The following XPO7 variants were observed in gnomAD, a reference collection of about 807,000 sequenced individuals.
The protein encoded by XPO7 is exportin 7.
In XPO7, 21 loss-of-function variants were observed where a neutral mutation model predicts 144.3. The ratio of observed to expected loss-of-function variants is 0.15; its 90% CI spans 0.10 to 0.21. The LOEUF is 0.21. Ranked by LOEUF, XPO7 falls within the 10% of genes least tolerant of loss-of-function variation. XPO7 has a pLI of 1.00. For synonymous variants in XPO7, 580 were observed against 499.6 expected (o/e 1.16, Z -2.15); for missense variants, 808 against 1,325.8 (o/e 0.61, Z 6.06).
At chr8:21,992,504 T>C (rs971713783) in intron 19 of XPO7, among the ~76,000 whole-genome samples, 1 of 152,200 alleles carries the variant, frequency 6.6e-6, no homozygotes, top group Non-Finnish European at 1.5e-5. Flanking sequence ...CTTTGACACT[T>C]GAGTCACTTA....
chr8:22,001,416 T>G (rs1324599801), intron 24 of XPO7, among the ~76,000 whole-genome samples: 1 of 152,194 alleles, frequency 6.6e-6, no homozygotes, highest in Non-Finnish European at 1.5e-5. Context: ...AGCCCCTTTG[T>G]CCTTTGGCCT....
chr8:21,967,504 AT>A (rs35192011), intron 2 of XPO7, among the ~76,000 whole-genome samples: 1 of 151,370 alleles, frequency 6.6e-6, no homozygotes, highest in Non-Finnish European at 1.5e-5. Flanking sequence ...CTAATTTTGT[AT>A]TTTTTTTAGT....
rs540160446 is a variant in XPO7 at position 21,972,060 on chromosome 8, A to C, written c.492+119A>C. On this transcript the variant is annotated intron_variant, in intron 5 of 27. Transcript: ENST00000252512. ...TTGTGTGCTTTTGCGGTAAGTGATT[A>C]ATGCCCTTTTGAAACAAAATAGTTC... 3 of 889,800 alleles carry C rather than the reference A, an allele frequency of 3.4e-6. No homozygotes were observed. The African/African-American group carries it at 5.0e-5, about 15-fold the overall frequency. 55.1% of individuals were successfully genotyped at this position (889,800 alleles called of 1,614,324 possible). A position where few individuals can be genotyped will look rare whatever the true frequency, so the allele number is the denominator to read the frequency against.
intron 1 of XPO7, among the ~76,000 whole-genome samples, chr8:21,943,760 A>G (rs1244112118): frequency 6.6e-6 from 1 of 152,202 alleles, no homozygotes; most frequent in African/African-American, 2.4e-5. Flanking sequence ...TGCTTGCTGT[A>G]TGTTCAACAT....
intron 1 of XPO7, among the ~76,000 whole-genome samples, chr8:21,952,031 C>T (rs1020778589): frequency 1.1e-4 from 16 of 152,198 alleles, no homozygotes; most frequent in Middle Eastern, 3.2e-3. Flanking sequence ...ATGACCTGTT[C>T]AGCAGGTGTT....
At chr8:21,979,558 C>T (rs965697718) in intron 8 of XPO7, among the ~76,000 whole-genome samples, 2 of 151,948 alleles carry the variant, frequency 1.3e-5, no homozygotes, top group Non-Finnish European at 2.9e-5. Flanking sequence ...CACGTGCCTG[C>T]CACCACGCCC....
chr8:21,925,267 A>G (rs945977620), intron 1 of XPO7, among the ~76,000 whole-genome samples: 2 of 152,210 alleles, frequency 1.3e-5, no homozygotes, highest in African/African-American at 4.8e-5. Flanking sequence ...ATTTGCTTCA[A>G]TGGCTGTTCA....
intron 1 of XPO7, among the ~76,000 whole-genome samples, chr8:21,932,383 CTTAA>C (rs2117250975): frequency 6.6e-6 from 1 of 152,244 alleles, no homozygotes; most frequent in Non-Finnish European, 1.5e-5. Context: ...GAAACATTTA[CTTAA>C]TATTCTTTTT....
Position 21,999,322 on chromosome 8 carries a change from A to G in XPO7, c.2643+17A>G. On this transcript the variant is annotated intron_variant, in intron 23 of 27. Coordinates refer to ENST00000252512, the MANE Select transcript of XPO7 (RefSeq NM_015024.5). Reference sequence around the variant, plus strand: ...GATCTCTTGGTAAGCCTTACGCTGCATTGCCACAATCTTGTTCCTCATCAC... The same window carrying G: ...GATCTCTTGGTAAGCCTTACGCTGCGTTGCCACAATCTTGTTCCTCATCAC... 1 of 1,611,884 alleles carries G rather than the reference A, an allele frequency of 6.2e-7. No individual in the cohort carries two copies. Among genetic ancestry groups the G allele is most frequent in the Non-Finnish European group, 8.5e-7 (1 of 1,179,540 alleles).
At chr8:21,923,999 A>T (rs908246376) in intron 1 of XPO7, among the ~76,000 whole-genome samples, 1 of 152,172 alleles carries the variant, frequency 6.6e-6, no homozygotes, top group African/African-American at 2.4e-5. Flanking sequence ...GAGTGGCTTA[A>T]CTAGATGGTT....
chr8:21,939,883 T>G (rs1484991239), intron 1 of XPO7, among the ~76,000 whole-genome samples: 3 of 152,268 alleles, frequency 2.0e-5, no homozygotes, highest in African/African-American at 7.2e-5. Flanking sequence ...TTTAGTAGTC[T>G]TTTAAATTTT....
chr8:21,998,211 G>A (rs1284727008), intron 21 of XPO7, among the ~76,000 whole-genome samples: 4 of 152,164 alleles, frequency 2.6e-5, no homozygotes, highest in Admixed American at 2.6e-4. Context: ...GGAGGCTGAG[G>A]CGGGCGGATC....
At chr8:21,966,058 C>T (rs1351560445) in intron 1 of XPO7, among the ~76,000 whole-genome samples, 1 of 152,158 alleles carries the variant, frequency 6.6e-6, no homozygotes. Context: ...ACATTAAGTG[C>T]AAGTATATAT....
chr8:21,998,686 G>C, intron 21 of XPO7, 69 bp from the exon 22 acceptor site: 1 of 1,350,720 alleles, frequency 7.4e-7, no homozygotes, highest in South Asian at 1.2e-5. Context: ...ACTCAGATGA[G>C]AGCCTCAAGT....
intron 1 of XPO7, among the ~76,000 whole-genome samples, chr8:21,953,820 C>T (rs531074485): frequency 6.6e-6 from 1 of 152,232 alleles, no homozygotes; most frequent in South Asian, 2.1e-4. Flanking sequence ...GGTGAGGTGT[C>T]TGGTCAGATC....
chr8:21,972,430 T>G (rs549740140), intron 5 of XPO7, among the ~76,000 whole-genome samples: 4 of 152,166 alleles, frequency 2.6e-5, no homozygotes, highest in Admixed American at 2.0e-4. Context: ...CGAGCCAAGA[T>G]CGCGCTGTTG....
Position 21,991,133 on chromosome 8 carries a change from T to C in XPO7, c.2041+214T>C, listed in dbSNP as rs543958325. Among the ~76,000 whole-genome samples, 3 of 152,348 alleles carry C rather than the reference T, an allele frequency of 2.0e-5. No homozygotes were observed. The East Asian group carries it at 5.8e-4, about 29-fold the overall frequency. On this transcript the variant is annotated intron_variant, in intron 18 of 27. Transcript: ENST00000252512. Reference sequence around the variant, plus strand: ...TAACAGTCTGCTCCTGAAGTTTTCATCTGATACGCAGTGGCTTTAAAATTC... The same window carrying C: ...TAACAGTCTGCTCCTGAAGTTTTCACCTGATACGCAGTGGCTTTAAAATTC...
At chr8:21,945,846 C>G (rs564544913) in intron 1 of XPO7, among the ~76,000 whole-genome samples, 95 of 152,280 alleles carry the variant, frequency 6.2e-4, no homozygotes, top group Non-Finnish European at 1.3e-3. Flanking sequence ...TCTCAATACC[C>G]TCACACCCAT....
At chr8:21,984,953 G>A (rs1483800944) in intron 12 of XPO7, 114 bp downstream of exon 12, 3 of 1,135,762 alleles carry the variant, frequency 2.6e-6, no homozygotes, top group Non-Finnish European at 3.7e-6. Context: ...TTCATCATCT[G>A]TTGTCTCCAT....
Sources: gnomAD v4.1 joint callset for allele counts (sites outside exome capture counted in the v4.1 genomes callset) on GRCh38, gnomAD v4.1.1 for gene constraint, MANE v1.5 for transcripts, NCBI Gene and HGNC (gene_info 2026-07-23, HGNC 2026-07-21) for gene names.